Variants in VTI1A observed in about 807,000 individuals in gnomAD.
VTI1A encodes the protein vesicle transport through interaction with t-SNAREs 1A, also known as vesicle transport through interaction with t-SNAREs homolog 1A.
In VTI1A, 22 loss-of-function variants were observed where a neutral mutation model predicts 34.9. That is an observed-to-expected ratio of 0.63 (90% confidence interval 0.45 to 0.90). The LOEUF is 0.90. Ranked by LOEUF, VTI1A falls within the 40% of genes least tolerant of loss-of-function variation. VTI1A has a pLI of 0.00. For synonymous variants in VTI1A, 87 were observed against 97.3 expected (o/e 0.89, Z 0.62); for missense variants, 268 against 275.6 (o/e 0.97, Z 0.20).
intron 3 of VTI1A, among the ~76,000 whole-genome samples, chr10:112,518,938 A>G (rs1460775570): frequency 6.6e-6 from 1 of 152,020 alleles, no homozygotes; most frequent in Non-Finnish European, 1.5e-5. Flanking sequence ...ACCCTAGTAT[A>G]GAAGTAACCG....
intron 1 of VTI1A, chr10:112,450,579 G>T (rs983165060): frequency 6.6e-6 from 1 of 152,246 alleles, no homozygotes; most frequent in South Asian, 2.1e-4. Context: ...CTATTGAAAT[G>T]AACTTTACTC....
intron 6 of VTI1A, 48 bp from the exon 7 acceptor site, chr10:112,668,889 A>G: frequency 6.3e-7 from 1 of 1,592,712 alleles, no homozygotes. Context: ...GCACTTTAGA[A>G]ATAATCTAAT....
chr10:112,531,752 C>T (rs1350341182), intron 4 of VTI1A, among the ~76,000 whole-genome samples: 1 of 152,104 alleles, frequency 6.6e-6, no homozygotes, highest in African/African-American at 2.4e-5. Flanking sequence ...AATAGTGCCC[C>T]CAGAAAGAAA....
chr10:112,474,228 AT>A (rs572884108), intron 3 of VTI1A, among the ~76,000 whole-genome samples: 22 of 148,552 alleles, frequency 1.5e-4, no homozygotes, highest in South Asian at 6.4e-4. Context: ...CACCTGGCTA[AT>A]TTTTTTTTTG....
chr10:112,468,713 C>T (rs1468566560), intron 3 of VTI1A, among the ~76,000 whole-genome samples: 4 of 152,200 alleles, frequency 2.6e-5, no homozygotes, highest in African/African-American at 7.2e-5. Flanking sequence ...ATCATCTTTC[C>T]TGTTCCTTCC....
intron 7 of VTI1A, chr10:112,737,249 C>CTT (rs56710609): frequency 2.5e-3 from 1,640 of 667,036 alleles, no homozygotes; most frequent in Non-Finnish European, 2.8e-3. Flanking sequence ...TTTTGTATTT[C>CTT]TTTTTTTTTT....
At chr10:112,496,834 A>G (rs1016760783) in intron 3 of VTI1A, among the ~76,000 whole-genome samples, 1 of 152,214 alleles carries the variant, frequency 6.6e-6, no homozygotes, top group Non-Finnish European at 1.5e-5. Flanking sequence ...AGTATTTTTC[A>G]GCAGAGTTTT....
intron 3 of VTI1A, among the ~76,000 whole-genome samples, chr10:112,522,893 G>A (rs1297367913): frequency 2.6e-5 from 4 of 152,014 alleles, no homozygotes; most frequent in Non-Finnish European, 4.4e-5. Flanking sequence ...AAATTCCCAG[G>A]TGAGGCAATT....
At chr10:112,579,276 A>G (rs1041160576) in intron 5 of VTI1A, among the ~76,000 whole-genome samples, 31 of 152,386 alleles carry the variant, frequency 2.0e-4, no homozygotes, top group African/African-American at 5.8e-4. Context: ...TTGTGTATGC[A>G]CAAGAGAGAT....
At chr10:112,591,135 C>T (rs1044045951) in intron 5 of VTI1A, among the ~76,000 whole-genome samples, 10 of 152,048 alleles carry the variant, frequency 6.6e-5, no homozygotes, top group African/African-American at 2.2e-4. Flanking sequence ...GCTTCAGCTA[C>T]GATATTTCCA....
At chr10:112,518,823 C>G (rs1424555844) in intron 3 of VTI1A, among the ~76,000 whole-genome samples, 2 of 151,370 alleles carry the variant, frequency 1.3e-5, no homozygotes, top group African/African-American at 4.9e-5. Flanking sequence ...TCTGAGTAGG[C>G]AAGATTTTAT....
At chr10:112,771,614 T>C (rs1250277964) in intron 7 of VTI1A, among the ~76,000 whole-genome samples, 1 of 152,224 alleles carries the variant, frequency 6.6e-6, no homozygotes, top group Non-Finnish European at 1.5e-5. Context: ...GTTTTTTTAG[T>C]ATACTCTTAT....
intron 4 of VTI1A, among the ~76,000 whole-genome samples, chr10:112,527,681 G>A (rs985824169): frequency 2.0e-5 from 3 of 150,136 alleles, no homozygotes; most frequent in African/African-American, 4.9e-5. Context: ...CCCATACAGA[G>A]GAACTGCTTC....
At chr10:112,594,961 A>C (rs1427466552) in intron 5 of VTI1A, among the ~76,000 whole-genome samples, 2 of 147,712 alleles carry the variant, frequency 1.4e-5, no homozygotes, top group African/African-American at 5.2e-5. Flanking sequence ...ACCAAAACAG[A>C]GATATAGATC....
At chr10:112,813,624 G>A (rs968167260) in intron 7 of VTI1A, among the ~76,000 whole-genome samples, 1 of 152,216 alleles carries the variant, frequency 6.6e-6, no homozygotes, top group African/African-American at 2.4e-5. Flanking sequence ...GCACCGATCA[G>A]TGTTGATAAT....
At chr10:112,833,627 C>T in the VTI1A span, among the ~76,000 whole-genome samples, 12 of 152,186 alleles carry the variant, frequency 7.9e-5, no homozygotes, top group African/African-American at 2.9e-4. Flanking sequence ...AATACCTTTG[C>T]AGCTATCCCA....
intron 3 of VTI1A, among the ~76,000 whole-genome samples, chr10:112,473,955 A>C (rs1400609927): frequency 6.6e-6 from 1 of 152,188 alleles, no homozygotes; most frequent in Non-Finnish European, 1.5e-5. Context: ...AATGCTAGCA[A>C]ATTTGCATGG....
At chr10:112,741,285 G>A (rs1208169125) in intron 7 of VTI1A, among the ~76,000 whole-genome samples, 12 of 152,018 alleles carry the variant, frequency 7.9e-5, no homozygotes, top group Admixed American at 5.9e-4. Flanking sequence ...GTGGAACCCC[G>A]TCCTACTAAA....
intron 3 of VTI1A, among the ~76,000 whole-genome samples, chr10:112,483,073 A>C (rs1230578246): frequency 6.6e-6 from 1 of 152,196 alleles, no homozygotes; most frequent in Non-Finnish European, 1.5e-5. Flanking sequence ...AGTATCTTCC[A>C]GGAGGGTAAG....
Sources: gnomAD v4.1 joint callset for allele counts (sites outside exome capture counted in the v4.1 genomes callset) on GRCh38, gnomAD v4.1.1 for gene constraint, MANE v1.5 for transcripts, NCBI Gene and HGNC (gene_info 2026-07-23, HGNC 2026-07-21) for gene names.